PPP2R5E: variants seen among roughly 807,000 people sequenced by gnomAD.
The protein encoded by PPP2R5E is protein phosphatase 2 regulatory subunit B'epsilon.
In PPP2R5E, 4 loss-of-function variants were observed where a neutral mutation model predicts 65.3. The observed-to-expected ratio is 0.06, with a 90% confidence interval of 0.03 to 0.14. The LOEUF is 0.14. Ranked by LOEUF, PPP2R5E falls within the 10% of genes least tolerant of loss-of-function variation. PPP2R5E has a pLI of 1.00. For missense variants in PPP2R5E, 274 were observed against 556.1 expected (o/e 0.49, Z 5.10); for synonymous variants, 183 against 187.4 (o/e 0.98, Z 0.19).
intron 2 of PPP2R5E, among the ~76,000 whole-genome samples, chr14:63,491,175 T>C (rs922854839): frequency 6.6e-5 from 10 of 152,068 alleles, no homozygotes; most frequent in African/African-American, 1.9e-4. Flanking sequence ...GAGCTAAACA[T>C]TGGGTACACA....
chr14:63,498,479 A>C (rs1038456396), intron 2 of PPP2R5E, among the ~76,000 whole-genome samples: 1 of 152,138 alleles, frequency 6.6e-6, no homozygotes, highest in Non-Finnish European at 1.5e-5. Flanking sequence ...GAATGTTTTT[A>C]AGTGTCTTGG....
Position 63,432,511 on chromosome 14 carries a change from C to T in PPP2R5E, c.355-10417G>A, listed in dbSNP as rs527941618. On this transcript the variant is annotated intron_variant, in intron 3 of 13. Transcript: ENST00000337537. ...AATACAGATCAAATGTAAATATAGG[C>T]ATGGTTTGGAAGACTATGTCAACAC... Among the ~76,000 whole-genome samples, 96 of 152,224 alleles carry T rather than the reference C, an allele frequency of 6.3e-4. 1 individual carries two copies. Among genetic ancestry groups the T allele is most frequent in the Non-Finnish European group, 1.2e-3 (85 of 68,028 alleles).
At chr14:63,523,844 A>G (rs1310891580) in intron 2 of PPP2R5E, among the ~76,000 whole-genome samples, 1 of 152,234 alleles carries the variant, frequency 6.6e-6, no homozygotes. Context: ...CTTGCATTCA[A>G]AGTACTCATT....
intron 2 of PPP2R5E, among the ~76,000 whole-genome samples, chr14:63,522,804 G>T (rs1215512255): frequency 6.6e-6 from 1 of 151,300 alleles, no homozygotes; most frequent in Non-Finnish European, 1.5e-5. Flanking sequence ...CCCCGTCCAG[G>T]AAGGAGGTGG....
chr14:63,376,789 A>C (rs555549279), intron 13 of PPP2R5E, among the ~76,000 whole-genome samples: 2 of 152,330 alleles, frequency 1.3e-5, no homozygotes, highest in South Asian at 4.1e-4. Context: ...ATAAGACTAT[A>C]TTGTAAGTTA....
intron 2 of PPP2R5E, among the ~76,000 whole-genome samples, chr14:63,463,097 C>T (rs1385324500): frequency 8.5e-6 from 1 of 117,220 alleles, no homozygotes; most frequent in Non-Finnish European, 1.6e-5. Context: ...AGCAAAACTC[C>T]ATCTCAAAAA....
At chr14:63,378,660 T>C (rs1184767152) in intron 13 of PPP2R5E, among the ~76,000 whole-genome samples, 2 of 152,174 alleles carry the variant, frequency 1.3e-5, no homozygotes, top group Non-Finnish European at 1.5e-5. Context: ...CCCACTTTTC[T>C]CTCTCCCTGT....
chr14:63,449,862 T>C (rs1888709647), intron 3 of PPP2R5E, among the ~76,000 whole-genome samples: 1 of 149,402 alleles, frequency 6.7e-6, no homozygotes, highest in African/African-American at 2.5e-5. Context: ...GCCTTTTCTT[T>C]TCTTTTCCTA....
chr14:63,513,254 A>T (rs961794904), intron 2 of PPP2R5E, among the ~76,000 whole-genome samples: 3 of 152,206 alleles, frequency 2.0e-5, no homozygotes, highest in Non-Finnish European at 2.9e-5. Flanking sequence ...GCCCCTCAGG[A>T]TCATGCACTG....
At chr14:63,467,823 G>C (rs966422716) in intron 2 of PPP2R5E, among the ~76,000 whole-genome samples, 1 of 152,194 alleles carries the variant, frequency 6.6e-6, no homozygotes, top group Non-Finnish European at 1.5e-5. Flanking sequence ...TTCCAATCAG[G>C]CTCCAGCTGG....
intron 13 of PPP2R5E, among the ~76,000 whole-genome samples, chr14:63,379,532 A>C (rs2139736330): frequency 6.6e-6 from 1 of 152,342 alleles, no homozygotes; most frequent in African/African-American, 2.4e-5. Flanking sequence ...TTGGCCTCCC[A>C]AAGTGCTGCG....
chr14:63,433,035 T>TG (rs71974084), intron 3 of PPP2R5E, among the ~76,000 whole-genome samples: 2,057 of 119,128 alleles, frequency 0.017, 42 homozygotes, highest in African/African-American at 0.065. Flanking sequence ...TTGTTTTGTT[T>TG]TTTTTTTTTT....
intron 2 of PPP2R5E, among the ~76,000 whole-genome samples, chr14:63,528,872 G>A (rs1893293791): frequency 6.6e-6 from 1 of 152,100 alleles, no homozygotes; most frequent in Admixed American, 6.5e-5. Context: ...ACTGTTCGAA[G>A]CCCTAGAGAT....
intron 13 of PPP2R5E, among the ~76,000 whole-genome samples, chr14:63,377,027 G>A (rs1213717230): frequency 6.6e-6 from 1 of 152,070 alleles, no homozygotes; most frequent in Admixed American, 6.6e-5. Flanking sequence ...CAGCTACTTG[G>A]GAGGCTGAGT....
intron 2 of PPP2R5E, among the ~76,000 whole-genome samples, chr14:63,463,127 G>T (rs746337987): frequency 0.025 from 3,360 of 134,148 alleles, 70 homozygotes; most frequent in Non-Finnish European, 0.035. Context: ...AAACTAAGAT[G>T]GTTTTTTTGT....
chr14:63,387,934 A>G (rs1884769149), intron 11 of PPP2R5E, among the ~76,000 whole-genome samples: 1 of 152,224 alleles, frequency 6.6e-6, no homozygotes, highest in Non-Finnish European at 1.5e-5. Context: ...GCCAGAAAGC[A>G]GGATCTCACC....
At chr14:63,540,735 AAG>A in intron 1 of PPP2R5E, among the ~76,000 whole-genome samples, 1 of 151,816 alleles carries the variant, frequency 6.6e-6, no homozygotes, top group African/African-American at 2.4e-5. Context: ...AAAAAAAAAA[AAG>A]AAACAAACAA....
intron 2 of PPP2R5E, among the ~76,000 whole-genome samples, chr14:63,532,913 C>A (rs958313102): frequency 1.3e-5 from 2 of 152,238 alleles, no homozygotes; most frequent in Non-Finnish European, 2.9e-5. Context: ...CAGCTCACTG[C>A]AGCGTCGATC....
chr14:63,384,554 G>C lies in PPP2R5E; in HGVS notation c.1092C>G (p.Leu364=), dbSNP rs367736186. 4.3e-6 allele frequency: 7 copies of C among 1,612,354 alleles called. No homozygotes were observed. The highest frequency in any genetic ancestry group is 5.9e-6 in the Non-Finnish European group (7 of 1,179,226). The change falls in exon 12 of 14, where the codon CTC becomes CTG. Residue 364 remains leucine, a synonymous_variant. Transcript: ENST00000337537. ...SPHFQVAERA[L]YYWNNEYIMS... is the part of the protein sequence containing the mutation. ...TGATGTATTCATTATTCCAATAATA[G>C]AGTGCTCTTTCTGCCACCTTTGGGA... is the stretch of plus-strand genomic sequence containing the variant.
Sources: allele counts gnomAD v4.1 joint callset (sites outside exome capture counted in the v4.1 genomes callset), GRCh38; gene constraint gnomAD v4.1.1; transcripts MANE v1.5; gene names NCBI Gene and HGNC (gene_info 2026-07-23, HGNC 2026-07-21).